MAST1: variants seen among roughly 807,000 people sequenced by gnomAD.
The protein encoded by MAST1 is microtubule associated serine/threonine kinase 1, also known as microtubule-associated serine/threonine-protein kinase 1.
Under a neutral mutation model 124.6 loss-of-function variants are expected in MAST1, and 40 were observed. That is an observed-to-expected ratio of 0.32 (90% CI 0.25 to 0.42). The LOEUF (loss-of-function observed/expected upper bound fraction) is 0.42. MAST1 is among the 10% of genes least tolerant of loss of function. The pLI, the probability that MAST1 is intolerant of heterozygous loss-of-function variation, is 1.00. For missense variants in MAST1, 1,558 were observed against 2,181.9 expected, an observed-to-expected ratio of 0.71 and a Z score of 5.70; for synonymous variants, 938 against 939.4, an observed-to-expected ratio of 1.00 and a Z score of 0.03.
chr19:12,851,469 GTTGTTTGT>G (rs59254743), intron 7 of MAST1, among the ~76,000 whole-genome samples: 13 of 150,896 alleles, frequency 8.6e-5, no homozygotes, highest in African/African-American at 2.2e-4. Flanking sequence ...CTATGGTTTT[GTTGTTTGT>G]TTGTTTGTTT....
intron 12 of MAST1, among the ~76,000 whole-genome samples, chr19:12,863,430 AAAAG>A (rs1357999684): frequency 1.3e-5 from 2 of 152,198 alleles, no homozygotes; most frequent in African/African-American, 2.4e-5. Flanking sequence ...GAGAACAGAA[AAAAG>A]AAAGAAATCA....
chr19:12,874,700 G>A lies in MAST1; in HGVS notation c.4543G>A (p.Ala1515Thr), dbSNP rs775076279. Residue 1515 changes from alanine to threonine, a missense_variant, in exon 26 of 26, where the codon GCG (alanine) becomes ACG (threonine). Ala to Thr is a moderately conservative substitution (Grantham distance 58). This residue lies in a region of MAST1 where 168 missense variants were observed against 154.3 expected (regional missense o/e 1.09). Coordinates refer to ENST00000251472, the MANE Select transcript of MAST1 (RefSeq NM_014975.3). The surrounding 1 kb of genome is among the most constrained non-coding windows in gnomAD (Gnocchi z 6.6). ...GCCCCAGACACCCTCCCTAGCCCCA[G>A]CGAAGTGCAGTGCACCCAGCAGTGC... ...PEPQTPSLAPAKCSAPSSAVT... is the reference protein window; with the variant it reads ...PEPQTPSLAPTKCSAPSSAVT... 38 of 1,573,840 alleles carry A rather than the reference G, an allele frequency of 2.4e-5. 2 individuals are homozygous for A. The South Asian group carries it at 4.4e-4, about 18-fold the overall frequency.
intron 10 of MAST1, among the ~76,000 whole-genome samples, chr19:12,854,499 G>A (rs150357636): frequency 0.012 from 1,840 of 152,190 alleles, 22 homozygotes; most frequent in South Asian, 0.033. Flanking sequence ...TTAACATAAC[G>A]TTTCTGAGGT....
Position 12,860,505 on chromosome 19 carries a change from C to T in MAST1, c.1366+1766C>T, listed in dbSNP as rs947924304. On this transcript the variant is annotated intron_variant, in intron 12 of 25. Coordinates refer to ENST00000251472, the MANE Select transcript of MAST1 (RefSeq NM_014975.3). Reference sequence around the variant, plus strand: ...CTGTCACCAGGCTCGAATGCAGTGGCGCTATCTCGGCTCACTGTAACCTCC... The same window carrying T: ...CTGTCACCAGGCTCGAATGCAGTGGTGCTATCTCGGCTCACTGTAACCTCC... 9.9e-5 allele frequency among the ~76,000 whole-genome samples: 14 copies of T among 140,784 alleles called. No individual in the cohort carries two copies. In the East Asian group the frequency reaches 1.5e-3, roughly 15 times the overall value. The allele number at this position is 140,784 out of a possible 152,430, so 92.4% of individuals were successfully genotyped here.
At chr19:12,867,124 G>C (rs1037621954) in intron 18 of MAST1, among the ~76,000 whole-genome samples, 8 of 152,110 alleles carry the variant, frequency 5.3e-5, no homozygotes, top group Admixed American at 5.2e-4. Context: ...TTCTAATAAC[G>C]GGCAGAGAAG....
intron 12 of MAST1, among the ~76,000 whole-genome samples, chr19:12,861,137 A>T (rs1439442516): frequency 6.6e-6 from 1 of 152,070 alleles, no homozygotes; most frequent in Non-Finnish European, 1.5e-5. Flanking sequence ...ATCTTGGTGC[A>T]CAGCAACCTC....
Position 12,874,188 on chromosome 19 carries a change from C to T in MAST1, c.4031C>T (p.Pro1344Leu). 2 of 1,542,316 alleles carry T rather than the reference C, an allele frequency of 1.3e-6. No homozygotes were observed. The highest frequency in any genetic ancestry group is 1.7e-6 in the Non-Finnish European group (2 of 1,146,896). ...TCACCTTTGAGCCTGGGCGCGGACC[C>T]GTTGCTGCCCGAGGGTGCCTCCAGG... is the stretch of plus-strand genomic sequence containing the variant. The part of the protein sequence containing the change: ...QESPLSLGAD[P>L]LLPEGASRPP... Residue 1344 changes from proline (P) to leucine (L), a missense_variant, in exon 26 of 26, where the codon CCG becomes CTG. Transcript: ENST00000251472. The surrounding 1 kb of genome is among the most constrained non-coding windows in gnomAD (Gnocchi z 6.6).
chr19:12,867,339 G>C (rs1038004314), intron 18 of MAST1, 135 bp from the exon 19 acceptor site: 1 of 944,774 alleles, frequency 1.1e-6, no homozygotes, highest in African/African-American at 1.6e-5. Flanking sequence ...TAGGTTGGGG[G>C]ATCATGCACA....
chr19:12,870,721 G>A lies in MAST1; in HGVS notation c.3004-103G>A, dbSNP rs1224948455. 4.0e-6 allele frequency: 5 copies of A among 1,242,630 alleles called. No homozygotes were observed. The South Asian group carries it at 6.8e-5, about 17-fold the overall frequency. The allele number at this position is 1,242,630 out of a possible 1,614,324, so 77.0% of individuals were successfully genotyped here. A position where few individuals can be genotyped will look rare whatever the true frequency, so the allele number is the denominator to read the frequency against. ...ATAACTATTTCACAAGGTGTTATGA[G>A]GATTCTAATGCATGCAGAGCTAAGT... On this transcript the variant is annotated intron_variant, in intron 22 of 25. Coordinates refer to ENST00000251472, the MANE Select transcript of MAST1 (RefSeq NM_014975.3).
At chr19:12,853,416 C>T (rs1969986121) in intron 10 of MAST1, among the ~76,000 whole-genome samples, 2 of 151,726 alleles carry the variant, frequency 1.3e-5, no homozygotes, top group Non-Finnish European at 2.9e-5. Context: ...ATCAGCTGGG[C>T]GTGGTGGTGC....
rs186828757 is a variant in MAST1 at position 12,860,575 on chromosome 19, G to A, written c.1366+1836G>A. Among the ~76,000 whole-genome samples, 450 of 150,606 alleles carry A rather than the reference G, an allele frequency of 3.0e-3. 1 individual carries two copies. The highest frequency in any genetic ancestry group is 4.7e-3 in the Non-Finnish European group (318 of 67,814). The stretch of plus-strand genomic sequence containing the variant: ...TTCTCCTGCCTGAGCCTCCCGAGTA[G>A]CTGGGATTACAGGTGTGTGCCACCA... On this transcript the variant is annotated intron_variant, in intron 12 of 25. Coordinates refer to ENST00000251472, the MANE Select transcript of MAST1 (RefSeq NM_014975.3).
rs1970161758 is a variant in MAST1 at position 12,866,908 on chromosome 19, C to A, written c.2139+146C>A. 1 of 645,944 alleles carries A rather than the reference C, an allele frequency of 1.5e-6. No individual in the cohort carries two copies. The highest frequency in any genetic ancestry group is 3.7e-4 in the Middle Eastern group (1 of 2,672). The allele number at this position is 645,944 out of a possible 1,614,324, so 40.0% of individuals were successfully genotyped here. ...GGGAGTCTGGAAGGTGGTAAGGCCA[C>A]GCAAGAGGCAGGTTCGGGAGTCTAT... On this transcript the variant is annotated intron_variant, in intron 18 of 25. Transcript: ENST00000251472. The surrounding 1 kb of genome is among the most constrained non-coding windows in gnomAD (Gnocchi z 5.2).
chr19:12,866,825 GT>G lies in MAST1; in HGVS notation c.2139+64del, dbSNP rs1223176656. The G allele has an allele frequency of 3.7e-6, 5 of 1,358,876 alleles. No homozygotes were observed. Among genetic ancestry groups the G allele is most frequent in the Non-Finnish European group, 5.2e-6 (5 of 966,972 alleles). 84.2% of individuals were successfully genotyped at this position (1,358,876 alleles called of 1,614,324 possible). A position where few individuals can be genotyped will look rare whatever the true frequency, so the allele number is the denominator to read the frequency against. On this transcript the variant is annotated intron_variant, in intron 18 of 25. Coordinates refer to ENST00000251472, the MANE Select transcript of MAST1 (RefSeq NM_014975.3). The surrounding 1 kb of genome is among the most constrained non-coding windows in gnomAD (Gnocchi z 5.2). ...AGGAGGGATGGGGCTTGGAGAGACA[GT>G]GAGAAACAGGTTCCCTGGTGCCCAA...
chr19:12,851,861 T>G, intron 7 of MAST1, 73 bp from the exon 8 acceptor site: 2 of 1,138,950 alleles, frequency 1.8e-6, no homozygotes, highest in Non-Finnish European at 2.6e-6. Flanking sequence ...GTATGTACTC[T>G]GAGGGGCTGA....
chr19:12,874,194 T>TGCCC lies in MAST1; in HGVS notation c.4039_4042dup (p.Glu1348AlafsTer100). 1 of 1,542,602 alleles carries TGCCC rather than the reference T, an allele frequency of 6.5e-7. No homozygotes were observed. Among genetic ancestry groups the TGCCC allele is most frequent in the Non-Finnish European group, 8.7e-7 (1 of 1,147,004 alleles). ...TTGAGCCTGGGCGCGGACCCGTTGCTGCCCGAGGGTGCCTCCAGGCCACCA... is the reference window on the plus strand; with the variant it reads ...TTGAGCCTGGGCGCGGACCCGTTGCTGCCCGCCCGAGGGTGCCTCCAGGCCACCA... On this transcript the variant is annotated frameshift_variant, in exon 26 of 26. Coordinates refer to ENST00000251472, the MANE Select transcript of MAST1 (RefSeq NM_014975.3). LOFTEE classifies it low-confidence loss of function (END_TRUNC). The surrounding 1 kb of genome is among the most constrained non-coding windows in gnomAD (Gnocchi z 6.6).
At chr19:12,870,408 G>A (rs1274405105) in intron 22 of MAST1, among the ~76,000 whole-genome samples, 2 of 142,170 alleles carry the variant, frequency 1.4e-5, no homozygotes, top group Non-Finnish European at 3.1e-5. Flanking sequence ...GGATAATCGC[G>A]TGAACCCGGG....
chr19:12,853,392 G>A (rs1969985848), intron 10 of MAST1, among the ~76,000 whole-genome samples: 1 of 151,966 alleles, frequency 6.6e-6, no homozygotes, highest in Non-Finnish European at 1.5e-5. Context: ...AGACCAGCCT[G>A]GGCAGCATAA....
intron 7 of MAST1, among the ~76,000 whole-genome samples, chr19:12,850,826 G>A (rs1461953891): frequency 2.0e-5 from 3 of 152,070 alleles, no homozygotes; most frequent in African/African-American, 4.8e-5. Flanking sequence ...AGCCTCCTGA[G>A]TAGCTGGGAT....
Position 12,874,303 on chromosome 19 carries a change from G to T in MAST1, c.4146G>T (p.Leu1382=). The T allele has an allele frequency of 6.3e-7, 1 of 1,594,056 alleles. No homozygotes were observed. ...CGACGACCCCCGGTGGCCGGACCCT[G>T]GAGCGGGACGTCGGCTGCACGCGGC... ...PRATTPGGRT[L]ERDVGCTRHQ... The change falls in exon 26 of 26, where the codon CTG becomes CTT. Residue 1382 remains leucine, a synonymous_variant. Transcript: ENST00000251472. This position sits in a 1 kb window ranked among gnomAD's most constrained non-coding sequence, Gnocchi z 6.6.
Sources: allele counts gnomAD v4.1 joint callset (sites outside exome capture counted in the v4.1 genomes callset), GRCh38; gene constraint gnomAD v4.1.1; regional missense constraint gnomAD v4.1.1; non-coding constraint Gnocchi (gnomAD v3.1); transcripts MANE v1.5; gene names NCBI Gene and HGNC (gene_info 2026-07-23, HGNC 2026-07-21).